Variants in BOD1L1 observed in about 807,000 individuals in gnomAD.
BOD1L1 encodes biorientation of chromosomes in cell division 1 like 1, also known as biorientation of chromosomes in cell division protein 1-like 1.
A neutral mutation model predicts 240.7 loss-of-function variants in BOD1L1; 86 were observed. The ratio of observed to expected loss-of-function variants is 0.36; its 90% CI spans 0.30 to 0.43. The LOEUF is 0.43. BOD1L1 is among the 20% of genes least tolerant of loss of function. The probability of loss-of-function intolerance (pLI) is 1.00; values close to 1 mark genes in which losing one functional copy is unlikely to be tolerated. For missense variants in BOD1L1, 3,554 were observed against 3,643.5 expected (o/e 0.98, Z 0.63); for synonymous variants, 1,268 against 1,272.3 (o/e 1.00, Z 0.07).
chr4:13,620,102 T>C, intron 1 of BOD1L1, 35 bp from the exon 2 acceptor site: 1 of 1,560,700 alleles, frequency 6.4e-7, no homozygotes, highest in Non-Finnish European at 8.7e-7. Flanking sequence ...GTCTTCAAGG[T>C]TATACAGTAT....
At chr4:13,573,470 A>ATCTTTCTT (rs139972436) in intron 25 of BOD1L1, among the ~76,000 whole-genome samples, 97 of 122,726 alleles carry the variant, frequency 7.9e-4, no homozygotes, top group African/African-American at 2.8e-3. Flanking sequence ...CTATCTATCT[A>ATCTTTCTT]TCTTTCTTTC....
chr4:13,612,846 CA>C (rs1342352212), intron 5 of BOD1L1, among the ~76,000 whole-genome samples: 1 of 152,146 alleles, frequency 6.6e-6, no homozygotes, highest in African/African-American at 2.4e-5. Flanking sequence ...TATGGGCAGC[CA>C]ACTCTGACTA....
At chr4:13,610,823 G>T in intron 6 of BOD1L1, 111 bp downstream of exon 6, 1 of 880,606 alleles carries the variant, frequency 1.1e-6, no homozygotes, top group Non-Finnish European at 1.6e-6. Context: ...TTTCCTGAAG[G>T]CAAATCCTGT....
chr4:13,618,867 T>A (rs369948983), intron 2 of BOD1L1, among the ~76,000 whole-genome samples: 2 of 146,734 alleles, frequency 1.4e-5, no homozygotes, highest in African/African-American at 2.5e-5. Flanking sequence ...GTTTAACTGT[T>A]AAAAAAAAAA....
At position 13,611,223 on chromosome 4, in the gene BOD1L1, A is replaced by C. The variant is rs1577368835; in HGVS notation, c.1325-123T>G. On this transcript the variant is annotated intron_variant, in intron 5 of 25. Transcript: ENST00000040738. ...CAAAAGGGGAAATATCAGGATGTGA[A>C]GATTTCAGAAATTGACTTTTAAAAG... The C allele has an allele frequency of 8.1e-6, 5 of 617,584 alleles. No homozygotes were observed. In the East Asian group the frequency reaches 1.5e-4, roughly 18 times the overall value. 38.3% of individuals were successfully genotyped at this position (617,584 alleles called of 1,614,324 possible). A position where few individuals can be genotyped will look rare whatever the true frequency, so the allele number is the denominator to read the frequency against.
chr4:13,623,243 T>A (rs78166138), intron 1 of BOD1L1: 4,539 of 152,264 alleles, frequency 0.03, 87 homozygotes, highest in African/African-American at 0.056. Context: ...CACTGCTGTA[T>A]CCCTGGCACC....
Position 13,608,676 on chromosome 4 carries a change from AG to A in BOD1L1, c.1604-9del. On this transcript the variant is annotated splice_polypyrimidine_tract_variant and intron_variant, in intron 7 of 25. Transcript: ENST00000040738. Reference sequence around the variant, plus strand: ...AGTCCACACTACTCCTGCCTAGAAAAGAAGCAATCAATAAAACGTATTTCAG... The same window carrying A: ...AGTCCACACTACTCCTGCCTAGAAAAAAGCAATCAATAAAACGTATTTCAG... The A allele has an allele frequency of 7.0e-7, 1 of 1,433,536 alleles. No homozygotes were observed. The highest frequency in any genetic ancestry group is 9.1e-7 in the Non-Finnish European group (1 of 1,093,548). The allele number at this position is 1,433,536 out of a possible 1,614,324, so 88.8% of individuals were successfully genotyped here. A position where few individuals can be genotyped will look rare whatever the true frequency, so the allele number is the denominator to read the frequency against.
At chr4:13,587,912 G>A (rs1713839399) in intron 15 of BOD1L1, 141 bp from the exon 16 acceptor site, 2 of 591,690 alleles carry the variant, frequency 3.4e-6, no homozygotes, top group Admixed American at 3.1e-5. Context: ...TTGGCCGGGT[G>A]CAGTGGCTCA....
Position 13,614,661 on chromosome 4 carries a change from G to GT in BOD1L1, c.708dup (p.Leu237ThrfsTer8). 1 of 1,613,808 alleles carries GT rather than the reference G, an allele frequency of 6.2e-7. No homozygotes were observed. The highest frequency in any genetic ancestry group is 8.5e-7 in the Non-Finnish European group (1 of 1,179,836). ...GTATCAGTGGTTGGCTGAGATGGAA[G>GT]TTTTTTTGACGCTCTCTCACTGGTC... On this transcript the variant is annotated frameshift_variant, in exon 4 of 26. Transcript: ENST00000040738. LOFTEE classifies it high-confidence loss of function.
At chr4:13,582,487 A>G (rs1713314622) in intron 18 of BOD1L1, among the ~76,000 whole-genome samples, 165 bp downstream of exon 18, 1 of 152,232 alleles carries the variant, frequency 6.6e-6, no homozygotes, top group Non-Finnish European at 1.5e-5. Context: ...CACTTTGAGT[A>G]TAGCAGGATC....
At chr4:13,611,242 T>C (rs1441644009) in intron 5 of BOD1L1, 142 bp from the exon 6 acceptor site, 1 of 572,564 alleles carries the variant, frequency 1.7e-6, no homozygotes, top group East Asian at 3.0e-5. Context: ...AAATTGACTT[T>C]TAAAAGCTAT....
In BOD1L1 at chr4:13,614,553, T is replaced by C. The variant is rs780628495; in HGVS notation, c.817A>G (p.Thr273Ala). 1.2e-6 allele frequency: 2 copies of C among 1,614,012 alleles called. No homozygotes were observed. The highest frequency in any genetic ancestry group is 4.5e-5 in the East Asian group (2 of 44,886). The change falls in exon 4 of 26, where the codon ACA (threonine) becomes GCA (alanine). Residue 273 changes from threonine to alanine, a missense_variant. Thr to Ala is a moderately conservative substitution (Grantham distance 58). Coordinates refer to ENST00000040738, the MANE Select transcript of BOD1L1 (RefSeq NM_148894.3). The part of the protein sequence containing the change: ...TADSGGEGLE[T>A]APKSEEFSDL... The stretch of plus-strand genomic sequence containing the variant: ...CTGAACTCTTCAGACTTTGGGGCTG[T>C]TTCCAGTCCTTCACCTCCAGAGTCA...
rs1436501975 is a variant in BOD1L1 at position 13,603,677 on chromosome 4, T to C, written c.3223A>G (p.Arg1075Gly). ...GCCATTTCTTGTGACAAGCTTCCTCTCCGATTTTCGCACAACCTTCTACTT... is the reference window on the plus strand; with the variant it reads ...GCCATTTCTTGTGACAAGCTTCCTCCCCGATTTTCGCACAACCTTCTACTT... The part of the protein sequence containing the change: ...KLSRRLCENR[R>G]GSLSQEMAKG... The change falls in exon 10 of 26, where the codon AGA (arginine) becomes GGA (glycine). Residue 1075 changes from arginine to glycine, a missense_variant. Transcript: ENST00000040738. 3.1e-6 allele frequency: 5 copies of C among 1,613,900 alleles called. No individual in the cohort carries two copies. The highest frequency in any genetic ancestry group is 4.2e-6 in the Non-Finnish European group (5 of 1,179,892).
At position 13,597,186 on chromosome 4, in the gene BOD1L1, A is replaced by T; in HGVS notation, c.7955-18T>A. The T allele has an allele frequency of 1.3e-6, 2 of 1,578,210 alleles. No homozygotes were observed. Among genetic ancestry groups the T allele is most frequent in the Non-Finnish European group, 1.7e-6 (2 of 1,159,188 alleles). ...TTCATTGCCTAATAAAATTCAAGCC[A>T]TTTAGTACAGTTTAAGAATTTGCTT... On this transcript the variant is annotated intron_variant, in intron 10 of 25. Transcript: ENST00000040738.
chr4:13,579,070 A>G (rs1713006747), intron 22 of BOD1L1, among the ~76,000 whole-genome samples: 1 of 152,200 alleles, frequency 6.6e-6, no homozygotes, highest in African/African-American at 2.4e-5. Flanking sequence ...TAGTGACGGT[A>G]GTAGTTGTCC....
chr4:13,602,706 C>T lies in BOD1L1; in HGVS notation c.4194G>A (p.Glu1398=). 6.2e-7 allele frequency: 1 copy of T among 1,614,006 alleles called. No individual in the cohort carries two copies. The highest frequency in any genetic ancestry group is 8.5e-7 in the Non-Finnish European group (1 of 1,179,896). The change falls in exon 10 of 26, where the codon GAG becomes GAA. Residue 1398 remains glutamate (E), a synonymous_variant. Coordinates refer to ENST00000040738, the MANE Select transcript of BOD1L1 (RefSeq NM_148894.3). ...CTAAGCCACCTTCTTTGGTAATATT[C>T]TCATTTTCCACAATCACGCCCGTTA... The part of the protein sequence containing the change: ...SKLTGVIVEN[E]NITKEGGLVD...
At chr4:13,624,990 A>G (rs1717286552) in intron 1 of BOD1L1, 1 of 152,212 alleles carries the variant, frequency 6.6e-6, no homozygotes, top group African/African-American at 2.4e-5. Context: ...GTGGCCAGGC[A>G]TGAGCCACCG....
rs182494430 is a variant in BOD1L1 at position 13,604,263 on chromosome 4, G to T, written c.2637C>A (p.Asp879Glu). 5 of 1,612,456 alleles carry T rather than the reference G, an allele frequency of 3.1e-6. No homozygotes were observed. The African/African-American group carries it at 5.3e-5, about 17-fold the overall frequency. ...TCAAATTACTATCCATGTTAGTGGA[G>T]TCCATATCACACTTATCTTCCGAAT... ...ESYSEDKCDM[D>E]STNMDSNLKP... is the part of the protein sequence containing the mutation. Residue 879 changes from aspartate to glutamate, a missense_variant, in exon 10 of 26, where the codon GAC becomes GAA. By Grantham distance (45) the Asp-to-Glu change is conservative. This residue lies in a region of BOD1L1 where 3,393 missense variants were observed against 3,427.1 expected (regional missense o/e 0.99). Transcript: ENST00000040738.
rs1389503203 is a variant in BOD1L1 at position 13,613,358 on chromosome 4, A to G, written c.1324+154T>C. 1.6e-6 allele frequency: 1 copy of G among 640,566 alleles called. No individual in the cohort carries two copies. Among genetic ancestry groups the G allele is most frequent in the African/African-American group, 1.8e-5 (1 of 55,158 alleles). The allele number at this position is 640,566 out of a possible 1,614,324, so 39.7% of individuals were successfully genotyped here. ...ACTTACCAAGCTTGCTCAGACAGAC[A>G]ACTTTGGAGCTGGGACTCAGAAACA... is the stretch of plus-strand genomic sequence containing the variant. On this transcript the variant is annotated intron_variant, in intron 5 of 25. Coordinates refer to ENST00000040738, the MANE Select transcript of BOD1L1 (RefSeq NM_148894.3). The surrounding 1 kb of genome is among the most constrained non-coding windows in gnomAD (Gnocchi z 4.0).
Sources: allele counts gnomAD v4.1 joint callset (sites outside exome capture counted in the v4.1 genomes callset), GRCh38; gene constraint gnomAD v4.1.1; regional missense constraint gnomAD v4.1.1; non-coding constraint Gnocchi (gnomAD v3.1); transcripts MANE v1.5; gene names NCBI Gene and HGNC (gene_info 2026-07-23, HGNC 2026-07-21).